The following CALCR variants were observed in gnomAD, a reference collection of about 807,000 sequenced individuals.
CALCR encodes the protein calcitonin receptor.
CALCR carries 47 observed loss-of-function variants against 59.5 expected under a neutral mutation model. The ratio of observed to expected loss-of-function variants is 0.79; its 90% CI spans 0.63 to 1.01. The LOEUF (loss-of-function observed/expected upper bound fraction) is 1.01. CALCR is among the 50% of genes least tolerant of loss of function. CALCR has a pLI of 0.00. For synonymous variants in CALCR, 213 were observed against 211.3 expected (o/e 1.01, Z -0.07); for missense variants, 566 against 597.1 (o/e 0.95, Z 0.54).
chr7:93,506,810 T>G (rs1222643951), intron 2 of CALCR, among the ~76,000 whole-genome samples: 1 of 152,166 alleles, frequency 6.6e-6, no homozygotes, highest in Non-Finnish European at 1.5e-5. Context: ...TCATCTTGAA[T>G]TGTAGTTCCC....
At chr7:93,488,156 C>A (rs1800989847) in intron 2 of CALCR, among the ~76,000 whole-genome samples, 1 of 151,618 alleles carries the variant, frequency 6.6e-6, no homozygotes, top group African/African-American at 2.4e-5. Flanking sequence ...TTCAGCCAAA[C>A]TAAGCTTCAT....
intron 2 of CALCR, among the ~76,000 whole-genome samples, chr7:93,517,449 G>A (rs1379325858): frequency 6.6e-6 from 1 of 151,524 alleles, no homozygotes; most frequent in Non-Finnish European, 1.5e-5. Flanking sequence ...TTATAAACTA[G>A]CAATGATTTG....
At chr7:93,503,596 GA>G (rs1295197136) in intron 2 of CALCR, among the ~76,000 whole-genome samples, 1 of 151,468 alleles carries the variant, frequency 6.6e-6, no homozygotes, top group Non-Finnish European at 1.5e-5. Flanking sequence ...AATTGCTTTT[GA>G]AAAAAAAGAA....
intron 2 of CALCR, among the ~76,000 whole-genome samples, chr7:93,548,139 C>A (rs1387138356): frequency 6.6e-6 from 1 of 152,148 alleles, no homozygotes; most frequent in East Asian, 1.9e-4. Context: ...TACAACTTGT[C>A]TGAGGTGTGC....
chr7:93,544,687 G>A (rs942422796), intron 2 of CALCR, among the ~76,000 whole-genome samples: 4 of 151,932 alleles, frequency 2.6e-5, no homozygotes, highest in Admixed American at 6.6e-5. Flanking sequence ...CTAATTCTCC[G>A]TAGGTCTTTT....
At chr7:93,571,891 C>T (rs1401999852) in intron 2 of CALCR, among the ~76,000 whole-genome samples, 1 of 152,014 alleles carries the variant, frequency 6.6e-6, no homozygotes, top group Non-Finnish European at 1.5e-5. Flanking sequence ...AGTTAGTGTG[C>T]CAAGGGGAAT....
At chr7:93,552,675 G>C (rs117942061) in intron 2 of CALCR, among the ~76,000 whole-genome samples, 4,629 of 152,198 alleles carry the variant, frequency 0.03, 78 homozygotes, top group Non-Finnish European at 0.047. Flanking sequence ...CTAGAGGTTA[G>C]AACTAGAAGC....
intron 2 of CALCR, among the ~76,000 whole-genome samples, chr7:93,572,595 CAT>C (rs1375882956): frequency 2.0e-5 from 3 of 152,160 alleles, no homozygotes; most frequent in Admixed American, 6.5e-5. Flanking sequence ...TATTTCCATT[CAT>C]GTTAACATTG....
chr7:93,528,879 C>A (rs1316093428), intron 2 of CALCR, among the ~76,000 whole-genome samples: 1 of 152,144 alleles, frequency 6.6e-6, no homozygotes, highest in East Asian at 1.9e-4. Context: ...TAGTATTTAA[C>A]CAACTTTATC....
chr7:93,541,544 T>C (rs1213153004), intron 2 of CALCR, among the ~76,000 whole-genome samples: 1 of 152,158 alleles, frequency 6.6e-6, no homozygotes, highest in African/African-American at 2.4e-5. Context: ...TATATTTGCA[T>C]TAAATTCCTA....
At chr7:93,464,480 T>C (rs752914853) in intron 7 of CALCR, among the ~76,000 whole-genome samples, 1 of 151,944 alleles carries the variant, frequency 6.6e-6, no homozygotes, top group Non-Finnish European at 1.5e-5. Flanking sequence ...CACGTGTTAT[T>C]CATGATAAAC....
In CALCR at chr7:93,547,092, G is replaced by A. The variant is rs571876486; in HGVS notation, c.-27+27197C>T. Among the ~76,000 whole-genome samples the A allele has an allele frequency of 1.3e-4, 20 of 152,222 alleles. No homozygotes were observed. In the South Asian group the frequency reaches 2.5e-3, roughly 19 times the overall value. Reference sequence around the variant, plus strand: ...GACTCTAGCAAATGCCAAAAAGCAAGGAAAAAGACCCTTGATCTCATGGTA... The same window carrying A: ...GACTCTAGCAAATGCCAAAAAGCAAAGAAAAAGACCCTTGATCTCATGGTA... On this transcript the variant is annotated intron_variant, in intron 2 of 13. Transcript: ENST00000426151.
intron 3 of CALCR, among the ~76,000 whole-genome samples, chr7:93,482,579 G>A (rs1433540791): frequency 6.6e-6 from 1 of 151,702 alleles, no homozygotes; most frequent in Non-Finnish European, 1.5e-5. Context: ...AGATTTTCTT[G>A]CTCTAGTTGG....
At chr7:93,465,642 G>T (rs562880906) in intron 7 of CALCR, among the ~76,000 whole-genome samples, 1 of 151,782 alleles carries the variant, frequency 6.6e-6, no homozygotes, top group African/African-American at 2.4e-5. Flanking sequence ...TCTACATTTT[G>T]TCTTTCTCTA....
intron 2 of CALCR, among the ~76,000 whole-genome samples, chr7:93,551,367 C>A (rs1789452056): frequency 6.6e-6 from 1 of 152,196 alleles, no homozygotes; most frequent in East Asian, 1.9e-4. Flanking sequence ...TATATGCAGG[C>A]AAAACTTTTC....
intron 2 of CALCR, among the ~76,000 whole-genome samples, chr7:93,513,213 T>C (rs1368738415): frequency 1.3e-5 from 2 of 152,118 alleles, no homozygotes; most frequent in East Asian, 3.9e-4. Context: ...AGGGTACCTA[T>C]GAGTAATCTC....
At chr7:93,478,713 AT>A (rs1800725821) in intron 4 of CALCR, among the ~76,000 whole-genome samples, 1 of 151,586 alleles carries the variant, frequency 6.6e-6, no homozygotes. Flanking sequence ...AAGTAGGAGA[AT>A]TTAAAGGGAT....
At chr7:93,530,248 T>C (rs1023462015) in intron 2 of CALCR, among the ~76,000 whole-genome samples, 2 of 152,184 alleles carry the variant, frequency 1.3e-5, no homozygotes, top group African/African-American at 2.4e-5. Context: ...TTTTGATTTA[T>C]AAATCACAAT....
chr7:93,546,837 A>T (rs1425171929), intron 2 of CALCR, among the ~76,000 whole-genome samples: 1 of 152,056 alleles, frequency 6.6e-6, no homozygotes, highest in Non-Finnish European at 1.5e-5. Flanking sequence ...CTGGGATTAC[A>T]GGCTTGAGCC....
Sources: allele counts gnomAD v4.1 joint callset (sites outside exome capture counted in the v4.1 genomes callset), GRCh38; gene constraint gnomAD v4.1.1; transcripts MANE v1.5; gene names NCBI Gene and HGNC (gene_info 2026-07-23, HGNC 2026-07-21).